The following COL5A2 variants were observed in gnomAD, a reference collection of about 807,000 sequenced individuals.
The protein encoded by COL5A2 is collagen type V alpha 2 chain, also known as collagen alpha-2(V) chain.
In COL5A2, 23 loss-of-function variants were observed where a neutral mutation model predicts 208.2. The observed-to-expected ratio is 0.11, with a 90% CI of 0.08 to 0.16. COL5A2 has a LOEUF of 0.16. COL5A2 is among the 10% of genes least tolerant of loss of function. COL5A2 has a pLI of 1.00. For missense variants in COL5A2, 1,590 were observed against 1,956.4 expected (o/e 0.81, Z 3.53); for synonymous variants, 625 against 628.5 (o/e 0.99, Z 0.08).
the COL5A2 span, among the ~76,000 whole-genome samples, chr2:189,400,691 T>C: frequency 2.6e-4 from 40 of 152,322 alleles, no homozygotes; most frequent in East Asian, 7.3e-3. Flanking sequence ...AGCACACCAA[T>C]AGACATGACC....
rs998224966 is a variant in COL5A2 at position 189,161,857 on chromosome 2, T to C, written c.97+17651A>G. Among the ~76,000 whole-genome samples the C allele has an allele frequency of 4.6e-5, 7 of 152,162 alleles. No individual in the cohort carries two copies. The East Asian group carries it at 1.2e-3, about 25-fold the overall frequency. ...AAGGATTTATTGTGTGCTAAATGTGTTAAAGAAAGAGGAAGTGCTACCTTT... is the reference window on the plus strand; with the variant it reads ...AAGGATTTATTGTGTGCTAAATGTGCTAAAGAAAGAGGAAGTGCTACCTTT... On this transcript the variant is annotated intron_variant, in intron 1 of 53. Coordinates refer to ENST00000374866, the MANE Select transcript of COL5A2 (RefSeq NM_000393.5).
chr2:189,327,418 G>T, the COL5A2 span, among the ~76,000 whole-genome samples: 1 of 152,092 alleles, frequency 6.6e-6, no homozygotes, highest in Non-Finnish European at 1.5e-5. Flanking sequence ...AAAAGGGGGA[G>T]AAAGAAGAAG....
chr2:189,277,581 T>A, the COL5A2 span, among the ~76,000 whole-genome samples: 1 of 152,050 alleles, frequency 6.6e-6, no homozygotes, highest in African/African-American at 2.4e-5. Context: ...AGGTTATAGT[T>A]TGGGAAGACA....
chr2:189,414,623 G>A, the COL5A2 span, among the ~76,000 whole-genome samples: 10 of 151,840 alleles, frequency 6.6e-5, no homozygotes, highest in African/African-American at 1.4e-4. Flanking sequence ...GGTGGCATGC[G>A]CCTATAATCC....
At chr2:189,179,430 T>G (rs1236447573) in intron 1 of COL5A2, 78 bp downstream of exon 1, 10 of 1,516,468 alleles carry the variant, frequency 6.6e-6, no homozygotes, top group Non-Finnish European at 9.0e-6. Flanking sequence ...CTCTTCACGC[T>G]CTTCCTGAGG....
the COL5A2 span, among the ~76,000 whole-genome samples, chr2:189,271,922 C>T: frequency 1.3e-5 from 2 of 152,336 alleles, no homozygotes; most frequent in East Asian, 1.9e-4. Flanking sequence ...CTCATCATCA[C>T]TGGTCGTTAG....
the COL5A2 span, among the ~76,000 whole-genome samples, chr2:189,322,720 G>A: frequency 1.3e-5 from 2 of 152,092 alleles, no homozygotes; most frequent in Non-Finnish European, 2.9e-5. Flanking sequence ...AGGACCAGAC[G>A]GATACACAGC....
At chr2:189,053,761 C>G in intron 37 of COL5A2, 134 bp downstream of exon 37, 1 of 880,076 alleles carries the variant, frequency 1.1e-6, no homozygotes, top group Non-Finnish European at 1.8e-6. Context: ...ATTAGAAAAG[C>G]AAAAGCTAAA....
chr2:189,045,841 G>T lies in COL5A2; in HGVS notation c.3268C>A (p.Pro1090Thr). Residue 1090 changes from proline (P) to threonine (T), a missense_variant, in exon 46 of 54, where the codon CCT becomes ACT. By Grantham distance (38) the Pro-to-Thr change is conservative. Transcript: ENST00000374866. ...CCTGCATCTCCTGGAGCACCCACAG[G>T]GCCAGGAGTTCCAGGGGCACCCTGA... ...GSQGAPGTPG[P>T]VGAPGDAGQR... 1 of 1,614,086 alleles carries T rather than the reference G, an allele frequency of 6.2e-7. No homozygotes were observed. Among genetic ancestry groups the T allele is most frequent in the Non-Finnish European group, 8.5e-7 (1 of 1,179,992 alleles).
chr2:189,061,361 T>C (rs1024009018), intron 30 of COL5A2, among the ~76,000 whole-genome samples: 1 of 152,152 alleles, frequency 6.6e-6, no homozygotes, highest in African/African-American at 2.4e-5. Context: ...TTTGCAGGTT[T>C]GATCAGTTTT....
chr2:189,171,953 G>A (rs987804181), intron 1 of COL5A2, among the ~76,000 whole-genome samples: 3 of 152,178 alleles, frequency 2.0e-5, no homozygotes, highest in African/African-American at 7.2e-5. Context: ...CCTTCAGAGA[G>A]TAGCATTTTA....
At position 189,098,750 on chromosome 2, in the gene COL5A2, T is replaced by G. The variant is rs1064795177; in HGVS notation, c.379A>C (p.Ile127Leu). 2 of 1,613,172 alleles carry G rather than the reference T, an allele frequency of 1.2e-6. No homozygotes were observed. Among genetic ancestry groups the G allele is most frequent in the Non-Finnish European group, 1.7e-6 (2 of 1,179,258 alleles). Residue 127 changes from isoleucine to leucine, a missense_variant, in exon 5 of 54, where the codon ATA becomes CTA. Coordinates refer to ENST00000374866, the MANE Select transcript of COL5A2 (RefSeq NM_000393.5). Reference sequence around the variant, plus strand: ...ACTGCCGGTCCTGGACGACCACGTATGCCTGTTACCTAAACAATAAACAAG... The same window carrying G: ...ACTGCCGGTCCTGGACGACCACGTAGGCCTGTTACCTAAACAATAAACAAG... ...EPGLVPVVTGIRGRPGPAGPP... is the reference protein window; with the variant it reads ...EPGLVPVVTGLRGRPGPAGPP...
chr2:189,392,192 A>C, the COL5A2 span, among the ~76,000 whole-genome samples: 404 of 152,274 alleles, frequency 2.7e-3, no homozygotes, highest in African/African-American at 9.2e-3. Context: ...AAAATTCCAC[A>C]TAAACCTAGG....
intron 17 of COL5A2, among the ~76,000 whole-genome samples, chr2:189,072,515 T>C (rs188032553): frequency 2.0e-5 from 3 of 152,290 alleles, no homozygotes; most frequent in Admixed American, 1.3e-4. Flanking sequence ...CTCATGCCTG[T>C]AATCCCAGCA....
chr2:189,220,285 T>C (rs1048220823), intron 1 of COL5A2, among the ~76,000 whole-genome samples: 4 of 152,162 alleles, frequency 2.6e-5, no homozygotes, highest in Non-Finnish European at 5.9e-5. Flanking sequence ...TAAAAATAAT[T>C]TTCATTGCCC....
Position 189,032,356 on chromosome 2 carries a change from A to G in COL5A2, c.*1714T>C. 6.6e-6 allele frequency: 1 copy of G among 152,142 alleles called. No homozygotes were observed. The highest frequency in any genetic ancestry group is 1.9e-4 in the East Asian group (1 of 5,196). The allele number at this position is 152,142 out of a possible 1,614,324, so 9.4% of individuals were successfully genotyped here. A position where few individuals can be genotyped will look rare whatever the true frequency, so the allele number is the denominator to read the frequency against. ...GTTGCCTTTGTGGGTAATGTTGTAG[A>G]TAGATTTTCATTTATAAGCCAGTAC... On this transcript the variant is annotated 3_prime_UTR_variant, in exon 54 of 54. Coordinates refer to ENST00000374866, the MANE Select transcript of COL5A2 (RefSeq NM_000393.5).
intron 1 of COL5A2, among the ~76,000 whole-genome samples, chr2:189,167,833 A>T (rs1415646552): frequency 5.9e-5 from 9 of 152,130 alleles, no homozygotes; most frequent in Admixed American, 5.2e-4. Flanking sequence ...AACACCTAGA[A>T]GGGCATAACA....
the COL5A2 span, among the ~76,000 whole-genome samples, chr2:189,416,821 T>A: frequency 6.6e-6 from 1 of 152,228 alleles, no homozygotes; most frequent in Non-Finnish European, 1.5e-5. Context: ...TGAAAACACA[T>A]TTGTAGCCCA....
At chr2:189,266,782 C>T in the COL5A2 span, among the ~76,000 whole-genome samples, 2 of 152,058 alleles carry the variant, frequency 1.3e-5, no homozygotes, top group Non-Finnish European at 1.5e-5. Flanking sequence ...ATGAGTTATA[C>T]CTCAAAAGAT....
Sources: gnomAD v4.1 joint callset for allele counts (sites outside exome capture counted in the v4.1 genomes callset) on GRCh38, gnomAD v4.1.1 for gene constraint, MANE v1.5 for transcripts, NCBI Gene and HGNC (gene_info 2026-07-23, HGNC 2026-07-21) for gene names.